The following USP39 variants were observed in gnomAD, a reference collection of about 807,000 sequenced individuals.
USP39 encodes ubiquitin carboxyl-terminal hydrolase 39.
A neutral mutation model predicts 66.4 loss-of-function variants in USP39; 38 were observed. The observed-to-expected ratio is 0.57, with a 90% CI of 0.44 to 0.75. The LOEUF (loss-of-function observed/expected upper bound fraction) is 0.75. USP39 is among the 30% of genes least tolerant of loss of function. The pLI is 0.00. For synonymous variants in USP39, 303 were observed against 274.6 expected, an observed-to-expected ratio of 1.10 and a Z score of -1.02; for missense variants, 608 against 714.4, an observed-to-expected ratio of 0.85 and a Z score of 1.70.
intron 6 of USP39, among the ~76,000 whole-genome samples, chr2:85,632,019 G>A (rs1290684176): frequency 6.6e-6 from 1 of 152,124 alleles, no homozygotes; most frequent in Non-Finnish European, 1.5e-5. Flanking sequence ...TGGGATTACG[G>A]GTGTGAGCCA....
At position 85,634,130 on chromosome 2, in the gene USP39, C is replaced by T. The variant is rs371281884; in HGVS notation, c.950-1923C>T. ...GGGATTACAGGCGTGAGCCACCACG[C>T]CCGGCCGAGTAGTGGCTTTTAAGAG... On this transcript the variant is annotated intron_variant, in intron 6 of 12. Transcript: ENST00000323701. 4.9e-4 allele frequency among the ~76,000 whole-genome samples: 74 copies of T among 151,646 alleles called. 2 individuals carry two copies. In the South Asian group the frequency reaches 0.011, roughly 22 times the overall value.
Position 85,636,106 on chromosome 2 carries a change from G to C in USP39, c.1003G>C (p.Gly335Arg), listed in dbSNP as rs1675748159. 1 of 1,613,826 alleles carries C rather than the reference G, an allele frequency of 6.2e-7. No homozygotes were observed. The highest frequency in any genetic ancestry group is 1.3e-5 in the African/African-American group (1 of 74,876). ...WFLNALHSAL[G>R]GTKKKKKTIV... is the part of the protein sequence containing the mutation. ...TCTGAATGCTCTGCACTCAGCTCTG[G>C]GGGGCACAAAGAAGAAAAAGAAGAG... Residue 335 changes from glycine (G) to arginine (R), a missense_variant, in exon 7 of 13, where the codon GGG becomes CGG. Coordinates refer to ENST00000323701, the MANE Select transcript of USP39 (RefSeq NM_006590.4).
intron 4 of USP39, among the ~76,000 whole-genome samples, chr2:85,624,448 T>G (rs1674698313): frequency 6.6e-6 from 1 of 151,940 alleles, no homozygotes; most frequent in African/African-American, 2.4e-5. Context: ...TGGGTTCAAG[T>G]GATACTTTTA....
chr2:85,632,624 A>G (rs1025858094), intron 6 of USP39, among the ~76,000 whole-genome samples: 8 of 151,368 alleles, frequency 5.3e-5, no homozygotes, highest in Non-Finnish European at 1.0e-4. Context: ...ATTTTTTTGT[A>G]TTTTTAGTAG....
At position 85,631,897 on chromosome 2, in the gene USP39, C is replaced by T. The variant is rs537535493; in HGVS notation, c.949+951C>T. ...CCAAGTAGCTGGGATTACAGGTGCC[C>T]GCCAACATGCCCAGCTAATTTTTGT... On this transcript the variant is annotated intron_variant, in intron 6 of 12. Coordinates refer to ENST00000323701, the MANE Select transcript of USP39 (RefSeq NM_006590.4). Among the ~76,000 whole-genome samples the T allele has an allele frequency of 5.5e-3, 836 of 151,766 alleles. 9 individuals are homozygous for T. Among genetic ancestry groups the T allele is most frequent in the African/African-American group, 0.019 (805 of 41,334 alleles).
intron 11 of USP39, 135 bp downstream of exon 11, chr2:85,645,218 G>C: frequency 8.2e-7 from 1 of 1,219,950 alleles, no homozygotes; most frequent in Admixed American, 2.5e-5. Context: ...AGTGCTGTCA[G>C]TAGTTAGTTT....
chr2:85,635,757 A>G (rs1261447906), intron 6 of USP39, among the ~76,000 whole-genome samples: 1 of 152,180 alleles, frequency 6.6e-6, no homozygotes, highest in Admixed American at 6.6e-5. Flanking sequence ...CTCACTCTGG[A>G]GAAAAGTGGA....
At chr2:85,625,401 C>T (rs1260917178) in intron 4 of USP39, 138 bp from the exon 5 acceptor site, 12 of 1,059,788 alleles carry the variant, frequency 1.1e-5, no homozygotes, top group Non-Finnish European at 1.6e-5. Context: ...ATCTTTACAC[C>T]TACTGGTTCG....
chr2:85,609,973 A>ACCC (rs947647043), upstream of USP39, among the ~76,000 whole-genome samples: 26 of 143,428 alleles, frequency 1.8e-4, no homozygotes, highest in Non-Finnish European at 1.5e-5. Context: ...GAGCCACTGC[A>ACCC]CCCAGCTGCC....
intron 10 of USP39, among the ~76,000 whole-genome samples, chr2:85,643,259 G>T (rs554916229): frequency 3.3e-5 from 5 of 152,094 alleles, no homozygotes; most frequent in Admixed American, 6.6e-5. Flanking sequence ...GGGAGGCCAA[G>T]GCGGGCGGAT....
chr2:85,632,036 C>G (rs968672338), intron 6 of USP39, among the ~76,000 whole-genome samples: 3 of 152,152 alleles, frequency 2.0e-5, no homozygotes, highest in Non-Finnish European at 2.9e-5. Context: ...GCCACTGCGC[C>G]CGGCCTCTGA....
rs374806811 is a variant in USP39, at chr2:85,644,825, G to A, written c.1428-123G>A. The A allele has an allele frequency of 8.3e-4, 1,114 of 1,340,114 alleles. 16 individuals are homozygous for A. The South Asian group carries it at 0.015, about 19-fold the overall frequency. 83.0% of individuals were successfully genotyped at this position (1,340,114 alleles called of 1,614,324 possible). A position where few individuals can be genotyped will look rare whatever the true frequency, so the allele number is the denominator to read the frequency against. On this transcript the variant is annotated intron_variant, in intron 10 of 12. Coordinates refer to ENST00000323701, the MANE Select transcript of USP39 (RefSeq NM_006590.4). ...CACCTGGACCTTCTTGACTCTGCAAGCCTACCCAGAGAAAGGGTCCTAAAA... is the reference window on the plus strand; with the variant it reads ...CACCTGGACCTTCTTGACTCTGCAAACCTACCCAGAGAAAGGGTCCTAAAA...
chr2:85,627,850 G>A (rs561348502), intron 5 of USP39, among the ~76,000 whole-genome samples: 9 of 152,098 alleles, frequency 5.9e-5, no homozygotes, highest in African/African-American at 2.2e-4. Flanking sequence ...TTGAGTTATT[G>A]GGCCTTACAG....
chr2:85,637,223 A>G, intron 7 of USP39, 146 bp from the exon 8 acceptor site: 1 of 759,202 alleles, frequency 1.3e-6, no homozygotes, highest in Non-Finnish European at 2.2e-6. Context: ...GGTATATAGT[A>G]CAAAAGGAAA....
chr2:85,635,914 A>C, intron 6 of USP39, 139 bp from the exon 7 acceptor site: 1 of 765,166 alleles, frequency 1.3e-6, no homozygotes, highest in South Asian at 1.5e-5. Context: ...GATAAGATAG[A>C]GGAGGATGCA....
intron 1 of USP39, among the ~76,000 whole-genome samples, chr2:85,617,169 G>A (rs1014919625): frequency 7.1e-6 from 1 of 140,442 alleles, no homozygotes; most frequent in African/African-American, 2.7e-5. Context: ...GCCTAGGCTG[G>A]TCTCGAACTC....
chr2:85,624,234 C>T (rs1216438487), intron 4 of USP39, among the ~76,000 whole-genome samples: 1 of 152,042 alleles, frequency 6.6e-6, no homozygotes, highest in East Asian at 1.9e-4. Context: ...AAGAGACACT[C>T]ATTGTACTGA....
intron 6 of USP39, among the ~76,000 whole-genome samples, chr2:85,634,430 C>T (rs954860602): frequency 2.0e-5 from 3 of 152,042 alleles, no homozygotes; most frequent in African/African-American, 7.2e-5. Flanking sequence ...AAAAGTTAGC[C>T]GGGCATGATG....
intron 3 of USP39, among the ~76,000 whole-genome samples, chr2:85,623,062 G>C (rs1298637712): frequency 6.6e-6 from 1 of 152,150 alleles, no homozygotes; most frequent in Non-Finnish European, 1.5e-5. Context: ...GAGTGTTTAT[G>C]TTGAGTTCAT....
Sources: allele counts gnomAD v4.1 joint callset (sites outside exome capture counted in the v4.1 genomes callset), GRCh38; gene constraint gnomAD v4.1.1; transcripts MANE v1.5; gene names NCBI Gene and HGNC (gene_info 2026-07-23, HGNC 2026-07-21).